The following ARHGAP15 variants were observed in gnomAD, a reference collection of about 807,000 sequenced individuals.
ARHGAP15 encodes rho GTPase-activating protein 15.
A neutral mutation model predicts 63.7 loss-of-function variants in ARHGAP15; 51 were observed. The observed-to-expected ratio is 0.80, with a 90% CI of 0.64 to 1.01. ARHGAP15 has a LOEUF of 1.01. Among genes scored for constraint, ARHGAP15 ranks in the 50% least tolerant of loss-of-function variants. The probability of loss-of-function intolerance (pLI) is 0.00; values close to 1 mark genes in which losing one functional copy is unlikely to be tolerated. For missense variants in ARHGAP15, 560 were observed against 564.6 expected, an observed-to-expected ratio of 0.99 and a Z score of 0.08; for synonymous variants, 191 against 193.8, an observed-to-expected ratio of 0.99 and a Z score of 0.12.
intron 6 of ARHGAP15, among the ~76,000 whole-genome samples, chr2:143,369,378 G>A (rs958810530): frequency 2.0e-5 from 3 of 151,882 alleles, no homozygotes; most frequent in Admixed American, 2.0e-4. Flanking sequence ...CTTTAAAATG[G>A]CAAATTATAT....
intron 4 of ARHGAP15, among the ~76,000 whole-genome samples, chr2:143,227,087 A>G (rs975801211): frequency 6.6e-6 from 1 of 152,224 alleles, no homozygotes; most frequent in Non-Finnish European, 1.5e-5. Context: ...TGTTAAGCTG[A>G]AGCAAACTGC....
intron 6 of ARHGAP15, among the ~76,000 whole-genome samples, chr2:143,273,019 TTTC>T (rs1354537928): frequency 1.3e-4 from 19 of 151,566 alleles, no homozygotes; most frequent in Admixed American, 2.0e-4. Flanking sequence ...TTTCAAGTAC[TTTC>T]TTGATATGTT....
chr2:143,712,981 C>A (rs948201043), intron 13 of ARHGAP15, among the ~76,000 whole-genome samples: 56 of 152,172 alleles, frequency 3.7e-4, no homozygotes, highest in African/African-American at 1.4e-3. Flanking sequence ...CCCCTAGCAC[C>A]GTGTCCTACA....
chr2:143,639,986 C>A (rs139940127), intron 12 of ARHGAP15, among the ~76,000 whole-genome samples: 3 of 152,120 alleles, frequency 2.0e-5, no homozygotes, highest in Non-Finnish European at 4.4e-5. Flanking sequence ...ATTTGTTTCC[C>A]AGGCTTGTAT....
At chr2:143,381,921 A>C (rs897748480) in intron 6 of ARHGAP15, among the ~76,000 whole-genome samples, 7 of 152,082 alleles carry the variant, frequency 4.6e-5, no homozygotes, top group African/African-American at 1.7e-4. Flanking sequence ...CAGGCAATCT[A>C]TCCTTTTTGA....
intron 6 of ARHGAP15, among the ~76,000 whole-genome samples, chr2:143,279,913 A>G (rs1681756736): frequency 6.6e-6 from 1 of 152,148 alleles, no homozygotes; most frequent in Non-Finnish European, 1.5e-5. Flanking sequence ...TTATTTTCTC[A>G]CAGTAGTTTG....
chr2:143,305,105 A>T (rs187760112), intron 6 of ARHGAP15, among the ~76,000 whole-genome samples: 3 of 152,254 alleles, frequency 2.0e-5, no homozygotes, highest in African/African-American at 7.2e-5. Context: ...GACTGCATAA[A>T]GAAAATGTGG....
chr2:143,732,356 T>A (rs866441152), intron 13 of ARHGAP15, among the ~76,000 whole-genome samples: 1 of 152,244 alleles, frequency 6.6e-6, no homozygotes, highest in Non-Finnish European at 1.5e-5. Context: ...CCTTATTTTT[T>A]CTTCACCTTT....
chr2:143,249,806 A>G (rs1263202999), intron 5 of ARHGAP15, among the ~76,000 whole-genome samples: 1 of 152,124 alleles, frequency 6.6e-6, no homozygotes, highest in African/African-American at 2.4e-5. Context: ...CCACATTGTA[A>G]TTGTGTAATA....
chr2:143,565,203 A>T (rs1696174536), intron 11 of ARHGAP15, among the ~76,000 whole-genome samples: 1 of 152,172 alleles, frequency 6.6e-6, no homozygotes. Context: ...ACCATGGGGA[A>T]GGGGGCAGAG....
chr2:143,535,073 T>C (rs899972696), intron 10 of ARHGAP15, among the ~76,000 whole-genome samples: 17 of 152,148 alleles, frequency 1.1e-4, no homozygotes, highest in African/African-American at 3.9e-4. Flanking sequence ...AAATAAATTG[T>C]GATTAATCAA....
intron 11 of ARHGAP15, among the ~76,000 whole-genome samples, chr2:143,565,205 G>T (rs987033772): frequency 2.0e-5 from 3 of 152,048 alleles, no homozygotes; most frequent in African/African-American, 7.2e-5. Context: ...CATGGGGAAG[G>T]GGGCAGAGAG....
chr2:143,386,989 C>T (rs1687314031), intron 6 of ARHGAP15, among the ~76,000 whole-genome samples: 1 of 151,958 alleles, frequency 6.6e-6, no homozygotes, highest in East Asian at 1.9e-4. Context: ...ACAACAGACA[C>T]TGAGGCCTAC....
At chr2:143,491,406 G>A (rs955944761) in intron 9 of ARHGAP15, among the ~76,000 whole-genome samples, 1 of 152,150 alleles carries the variant, frequency 6.6e-6, no homozygotes, top group African/African-American at 2.4e-5. Context: ...GGAGCAATTA[G>A]TATGCCCTTA....
chr2:143,439,024 GA>G (rs994336598), intron 8 of ARHGAP15, among the ~76,000 whole-genome samples: 1 of 150,948 alleles, frequency 6.6e-6, no homozygotes, highest in Non-Finnish European at 1.5e-5. Flanking sequence ...AGATGCTGCT[GA>G]AAAAAAAATC....
chr2:143,551,821 G>T (rs1267915907), intron 10 of ARHGAP15, among the ~76,000 whole-genome samples: 1 of 152,134 alleles, frequency 6.6e-6, no homozygotes, highest in African/African-American at 2.4e-5. Flanking sequence ...AGAGAGATTA[G>T]AATTTTAAAT....
chr2:143,659,091 A>C (rs370280266), intron 12 of ARHGAP15, among the ~76,000 whole-genome samples: 110 of 152,302 alleles, frequency 7.2e-4, no homozygotes, highest in African/African-American at 2.6e-3. Flanking sequence ...TATCTACTTG[A>C]AACCACTCAC....
intron 6 of ARHGAP15, among the ~76,000 whole-genome samples, chr2:143,377,213 A>G (rs1686854164): frequency 6.6e-6 from 1 of 151,884 alleles, no homozygotes; most frequent in Non-Finnish European, 1.5e-5. Flanking sequence ...TACTTACCAA[A>G]TGAAGTTATA....
chr2:143,449,271 C>T lies in ARHGAP15; in HGVS notation c.703+12229C>T, dbSNP rs116257579. Among the ~76,000 whole-genome samples the T allele has an allele frequency of 3.8e-3, 572 of 152,114 alleles. 3 individuals are homozygous for T. Among genetic ancestry groups the T allele is most frequent in the Non-Finnish European group, 6.6e-3 (449 of 67,968 alleles). On this transcript the variant is annotated intron_variant, in intron 8 of 13. Coordinates refer to ENST00000295095, the MANE Select transcript of ARHGAP15 (RefSeq NM_018460.4). Reference sequence around the variant, plus strand: ...CTCACCAAAACAGACAAACAAGAAACCAAAGCTCCAAGCAATTCCCTGGAA... The same window carrying T: ...CTCACCAAAACAGACAAACAAGAAATCAAAGCTCCAAGCAATTCCCTGGAA...
Sources: gnomAD v4.1 joint callset for allele counts (sites outside exome capture counted in the v4.1 genomes callset) on GRCh38, gnomAD v4.1.1 for gene constraint, MANE v1.5 for transcripts, NCBI Gene and HGNC (gene_info 2026-07-23, HGNC 2026-07-21) for gene names.